The following GRM8 variants were observed in gnomAD, a reference collection of about 807,000 sequenced individuals.
The protein encoded by GRM8 is glutamate metabotropic receptor 8, also known as metabotropic glutamate receptor 8.
Under a neutral mutation model 87.2 loss-of-function variants are expected in GRM8, and 47 were observed. The observed-to-expected ratio is 0.54, with a 90% CI of 0.43 to 0.69. GRM8 has a LOEUF of 0.69. Among genes scored for constraint, GRM8 ranks in the 30% least tolerant of loss-of-function variants. The pLI is 0.00. For missense variants in GRM8, 1,019 were observed against 1,139.2 expected, an observed-to-expected ratio of 0.89 and a Z score of 1.52; for synonymous variants, 396 against 404.5, an observed-to-expected ratio of 0.98 and a Z score of 0.25.
At chr7:126,980,033 G>C (rs565942384) in intron 3 of GRM8, among the ~76,000 whole-genome samples, 16 of 152,350 alleles carry the variant, frequency 1.1e-4, no homozygotes, top group Admixed American at 5.2e-4. Context: ...TATGTGGCTA[G>C]TATACAGAAT....
At chr7:127,233,486 A>AG (rs1257303986) in intron 2 of GRM8, among the ~76,000 whole-genome samples, 1 of 152,238 alleles carries the variant, frequency 6.6e-6, no homozygotes, top group Non-Finnish European at 1.5e-5. Context: ...ACTAACAAAT[A>AG]AAATTGCCAC....
chr7:126,795,556 C>T, intron 6 of GRM8, among the ~76,000 whole-genome samples: 1 of 151,976 alleles, frequency 6.6e-6, no homozygotes, highest in East Asian at 1.9e-4. Context: ...GTCACAAATC[C>T]CTCTTTTTGG....
At chr7:126,494,473 G>T (rs540542074) in intron 9 of GRM8, among the ~76,000 whole-genome samples, 10 of 152,014 alleles carry the variant, frequency 6.6e-5, no homozygotes, top group African/African-American at 2.4e-4. Context: ...TTCAAGTCTT[G>T]ATGTTAATCA....
chr7:127,064,673 T>G (rs1820933918), intron 3 of GRM8, among the ~76,000 whole-genome samples: 2 of 152,100 alleles, frequency 1.3e-5, no homozygotes, highest in Non-Finnish European at 2.9e-5. Context: ...TAAACAAATT[T>G]ATAAGAGAAA....
intron 3 of GRM8, among the ~76,000 whole-genome samples, chr7:126,919,896 G>T (rs983197740): frequency 5.9e-5 from 9 of 152,200 alleles, no homozygotes; most frequent in Non-Finnish European, 1.0e-4. Context: ...GCAAAAAAAG[G>T]ACTGTTGCAT....
intron 3 of GRM8, among the ~76,000 whole-genome samples, chr7:127,054,176 A>G (rs1051120620): frequency 3.9e-5 from 6 of 152,096 alleles, no homozygotes; most frequent in African/African-American, 1.4e-4. Context: ...TTGACCTACA[A>G]CTTTATATTT....
chr7:126,650,071 G>A (rs1017732772), intron 7 of GRM8, among the ~76,000 whole-genome samples: 2 of 152,134 alleles, frequency 1.3e-5, no homozygotes, highest in Non-Finnish European at 2.9e-5. Flanking sequence ...CTGAATATTT[G>A]ACTATGGGTC....
intron 7 of GRM8, among the ~76,000 whole-genome samples, chr7:126,670,754 T>C (rs986943232): frequency 6.6e-6 from 1 of 152,240 alleles, no homozygotes; most frequent in African/African-American, 2.4e-5. Flanking sequence ...CTCAGGAAGC[T>C]AAAGCAAATC....
At chr7:126,599,835 G>A (rs1022333226) in intron 8 of GRM8, among the ~76,000 whole-genome samples, 4 of 152,182 alleles carry the variant, frequency 2.6e-5, no homozygotes, top group East Asian at 1.9e-4. Context: ...TGCTGAACCC[G>A]CATAGTCCTG....
At chr7:127,164,663 T>G (rs957612924) in intron 2 of GRM8, among the ~76,000 whole-genome samples, 1 of 152,186 alleles carries the variant, frequency 6.6e-6, no homozygotes, top group Admixed American at 6.5e-5. Flanking sequence ...TATAAAAACC[T>G]CTTTCATAGC....
At chr7:126,882,086 C>T (rs1270586724) in intron 6 of GRM8, among the ~76,000 whole-genome samples, 1 of 152,176 alleles carries the variant, frequency 6.6e-6, no homozygotes, top group Non-Finnish European at 1.5e-5. Flanking sequence ...TGCCATTCCT[C>T]TTCCTTCCAC....
At chr7:126,742,019 T>C (rs140423689) in intron 7 of GRM8, among the ~76,000 whole-genome samples, 2 of 152,134 alleles carry the variant, frequency 1.3e-5, no homozygotes, top group Non-Finnish European at 2.9e-5. Flanking sequence ...ATCCGAGATA[T>C]TAAACTTCCA....
chr7:126,727,075 T>C (rs975732755), intron 7 of GRM8, among the ~76,000 whole-genome samples: 1 of 151,988 alleles, frequency 6.6e-6, no homozygotes, highest in Non-Finnish European at 1.5e-5. Flanking sequence ...CTTACGTGTA[T>C]TTAATCATAA....
intron 6 of GRM8, among the ~76,000 whole-genome samples, chr7:126,886,090 C>T (rs935511976): frequency 1.3e-5 from 2 of 152,056 alleles, no homozygotes; most frequent in Non-Finnish European, 2.9e-5. Flanking sequence ...GGCTTTGTTC[C>T]AAACAAGGGC....
At chr7:126,660,361 C>T (rs1159903110) in intron 7 of GRM8, among the ~76,000 whole-genome samples, 2 of 152,146 alleles carry the variant, frequency 1.3e-5, no homozygotes, top group Non-Finnish European at 2.9e-5. Flanking sequence ...AAGTGCAAGG[C>T]ATAATATCTG....
intron 8 of GRM8, among the ~76,000 whole-genome samples, chr7:126,541,484 T>C (rs1816531735): frequency 1.3e-5 from 2 of 152,232 alleles, no homozygotes; most frequent in East Asian, 1.9e-4. Flanking sequence ...TTGGATGCCA[T>C]CCTGAAGGTA....
At chr7:126,586,813 A>T (rs1796180346) in intron 8 of GRM8, among the ~76,000 whole-genome samples, 1 of 152,170 alleles carries the variant, frequency 6.6e-6, no homozygotes, top group South Asian at 2.1e-4. Flanking sequence ...TGGCAACAAA[A>T]GCCAAAATTG....
At chr7:126,561,709 T>C (rs1302321992) in intron 8 of GRM8, among the ~76,000 whole-genome samples, 5 of 151,890 alleles carry the variant, frequency 3.3e-5, no homozygotes, top group Non-Finnish European at 7.4e-5. Flanking sequence ...ATGTGCCATG[T>C]TGGTGTGCTG....
At position 126,506,605 on chromosome 7, in the gene GRM8, C is replaced by G. The variant is rs1810506473; in HGVS notation, c.2430+26347G>C. ...GACCAGTCTGGCCAACATGGTAAAA[C>G]CCTTTCCCCACTAAAAATACAATAA... is the stretch of plus-strand genomic sequence containing the variant. On this transcript the variant is annotated intron_variant, in intron 9 of 10. Transcript: ENST00000339582. 5.3e-5 allele frequency among the ~76,000 whole-genome samples: 8 copies of G among 151,970 alleles called. No individual in the cohort carries two copies. The South Asian group carries it at 1.7e-3, about 32-fold the overall frequency.
Sources: gnomAD v4.1 joint callset for allele counts (sites outside exome capture counted in the v4.1 genomes callset) on GRCh38, gnomAD v4.1.1 for gene constraint, MANE v1.5 for transcripts, NCBI Gene and HGNC (gene_info 2026-07-23, HGNC 2026-07-21) for gene names.